The following SLC4A4 variants were observed in gnomAD, a reference collection of about 807,000 sequenced individuals.
SLC4A4 encodes the protein solute carrier family 4 member 4, also known as electrogenic sodium bicarbonate cotransporter 1.
SLC4A4 carries 27 observed loss-of-function variants against 111.5 expected under a neutral mutation model. The observed-to-expected ratio is 0.24, with a 90% confidence interval of 0.18 to 0.33. The LOEUF (loss-of-function observed/expected upper bound fraction) is 0.33. SLC4A4 is among the 10% of genes least tolerant of loss of function. The pLI is 1.00. For synonymous variants in SLC4A4, 443 were observed against 463.4 expected, an observed-to-expected ratio of 0.96 and a Z score of 0.57; for missense variants, 909 against 1,315.5, an observed-to-expected ratio of 0.69 and a Z score of 4.78.
At chr4:71,065,724 C>T (rs1018656780) in intron 1 of SLC4A4, among the ~76,000 whole-genome samples, 2 of 152,050 alleles carry the variant, frequency 1.3e-5, no homozygotes, top group Non-Finnish European at 1.5e-5. Flanking sequence ...TCCCTTCACT[C>T]GACAATTCCT....
intron 16 of SLC4A4, among the ~76,000 whole-genome samples, chr4:71,531,485 G>A (rs1733910720): frequency 6.6e-6 from 1 of 151,946 alleles, no homozygotes; most frequent in Non-Finnish European, 1.5e-5. Flanking sequence ...ATTACTTTGA[G>A]GTCTTGATAT....
intron 7 of SLC4A4, among the ~76,000 whole-genome samples, chr4:71,424,815 G>A (rs990182375): frequency 1.3e-5 from 2 of 151,974 alleles, no homozygotes; most frequent in Non-Finnish European, 2.9e-5. Context: ...CACAGGAAGG[G>A]GAACATCACA....
intron 2 of SLC4A4, among the ~76,000 whole-genome samples, chr4:71,143,555 A>G (rs1281696219): frequency 6.6e-6 from 1 of 152,224 alleles, no homozygotes. Flanking sequence ...ACTAGTTTAC[A>G]GTCCCATCAA....
intron 2 of SLC4A4, among the ~76,000 whole-genome samples, chr4:71,141,940 C>T (rs1267157720): frequency 6.6e-6 from 1 of 152,186 alleles, no homozygotes; most frequent in African/African-American, 2.4e-5. Flanking sequence ...CTAACCTTTC[C>T]CATCTTTTAA....
chr4:71,221,256 T>C (rs1174574192), intron 1 of SLC4A4, among the ~76,000 whole-genome samples: 1 of 152,242 alleles, frequency 6.6e-6, no homozygotes, highest in Non-Finnish European at 1.5e-5. Context: ...CTGGGTTGAA[T>C]GGTAGATAGT....
chr4:71,444,000 C>G (rs577576496), intron 8 of SLC4A4, among the ~76,000 whole-genome samples: 5 of 152,230 alleles, frequency 3.3e-5, no homozygotes, highest in Admixed American at 3.3e-4. Context: ...ATGGAAGCCA[C>G]AGTTTAGCCA....
intron 2 of SLC4A4, among the ~76,000 whole-genome samples, chr4:71,178,432 A>C (rs1359890403): frequency 6.6e-6 from 1 of 152,104 alleles, no homozygotes; most frequent in South Asian, 2.1e-4. Flanking sequence ...TTTTTTGAAA[A>C]GATCAACAAA....
chr4:71,154,960 T>G (rs1744419123), intron 2 of SLC4A4, among the ~76,000 whole-genome samples: 1 of 152,208 alleles, frequency 6.6e-6, no homozygotes, highest in Non-Finnish European at 1.5e-5. Flanking sequence ...TTCTTATACA[T>G]TACCAAAGCT....
At chr4:71,455,727 C>T (rs1726193505) in intron 12 of SLC4A4, among the ~76,000 whole-genome samples, 1 of 151,994 alleles carries the variant, frequency 6.6e-6, no homozygotes, top group African/African-American at 2.4e-5. Context: ...GCAATATTGC[C>T]TATGTGTATT....
intron 1 of SLC4A4, among the ~76,000 whole-genome samples, chr4:71,195,018 T>G (rs1235211665): frequency 6.6e-6 from 1 of 152,146 alleles, no homozygotes; most frequent in Non-Finnish European, 1.5e-5. Context: ...AAAAGTGGTT[T>G]GGAGGCATAT....
At chr4:71,454,355 T>C (rs1301420624) in intron 12 of SLC4A4, among the ~76,000 whole-genome samples, 1 of 152,200 alleles carries the variant, frequency 6.6e-6, no homozygotes, top group African/African-American at 2.4e-5. Flanking sequence ...CAGAAAAATA[T>C]GTCCCAAATT....
At chr4:71,403,858 G>A (rs912853352) in intron 7 of SLC4A4, among the ~76,000 whole-genome samples, 9 of 152,070 alleles carry the variant, frequency 5.9e-5, no homozygotes, top group African/African-American at 1.2e-4. Context: ...GTGTTGGATC[G>A]TCTGGTGTTA....
At chr4:71,505,552 G>GT (rs1282485945) in intron 16 of SLC4A4, among the ~76,000 whole-genome samples, 2 of 150,782 alleles carry the variant, frequency 1.3e-5, no homozygotes, top group Non-Finnish European at 3.0e-5. Context: ...GGGATTTTTT[G>GT]TTTTTTTCTT....
At chr4:71,374,745 A>G (rs1174307632) in intron 6 of SLC4A4, among the ~76,000 whole-genome samples, 1 of 152,110 alleles carries the variant, frequency 6.6e-6, no homozygotes, top group African/African-American at 2.4e-5. Flanking sequence ...AGAGGCACAT[A>G]TTTGGAAAAA....
intron 6 of SLC4A4, among the ~76,000 whole-genome samples, chr4:71,390,975 T>C (rs537749959): frequency 6.6e-6 from 1 of 152,226 alleles, no homozygotes; most frequent in Admixed American, 6.5e-5. Context: ...TACCTAGTAC[T>C]CAAAAAGATT....
intron 7 of SLC4A4, among the ~76,000 whole-genome samples, chr4:71,433,503 G>A (rs905363092): frequency 1.3e-5 from 2 of 151,986 alleles, no homozygotes; most frequent in East Asian, 1.9e-4. Flanking sequence ...CTGTAAATTT[G>A]TTTAAGTTTC....
chr4:71,451,162 C>A, intron 10 of SLC4A4, 26 bp from the exon 11 acceptor site: 3 of 1,396,138 alleles, frequency 2.1e-6, no homozygotes, highest in Non-Finnish European at 3.1e-6. Flanking sequence ...AACTAATATA[C>A]TCTTGGGCTC....
At chr4:71,244,290 C>T (rs1364991611) in intron 2 of SLC4A4, among the ~76,000 whole-genome samples, 1 of 152,154 alleles carries the variant, frequency 6.6e-6, no homozygotes, top group Non-Finnish European at 1.5e-5. Flanking sequence ...CCTGGTCTGC[C>T]ACTGCCTTTC....
chr4:71,203,348 T>C (rs952436970), intron 1 of SLC4A4, among the ~76,000 whole-genome samples: 2 of 152,288 alleles, frequency 1.3e-5, no homozygotes, highest in African/African-American at 4.8e-5. Flanking sequence ...ATGACATTGG[T>C]ATAGATGATC....
Sources: gnomAD v4.1 joint callset for allele counts (sites outside exome capture counted in the v4.1 genomes callset) on GRCh38, gnomAD v4.1.1 for gene constraint, MANE v1.5 for transcripts, NCBI Gene and HGNC (gene_info 2026-07-23, HGNC 2026-07-21) for gene names.